The following ACER2 variants were observed in gnomAD, a reference collection of about 807,000 sequenced individuals.
ACER2 encodes alkCDase 2.
In ACER2, 26 loss-of-function variants were observed where a neutral mutation model predicts 34.7. The observed-to-expected ratio is 0.75, with a 90% CI of 0.55 to 1.04. ACER2 has a LOEUF of 1.04. ACER2 is among the 50% of genes least tolerant of loss of function. The pLI is 0.00. For missense variants in ACER2, 352 were observed against 340.8 expected, an observed-to-expected ratio of 1.03 and a Z score of -0.26; for synonymous variants, 138 against 132.1, an observed-to-expected ratio of 1.04 and a Z score of -0.31.
intron 3 of ACER2, among the ~76,000 whole-genome samples, chr9:19,428,004 TC>T (rs1434552458): frequency 3.4e-5 from 3 of 87,146 alleles, no homozygotes; most frequent in East Asian, 3.1e-4. Context: ...CTTTCCTTTT[TC>T]CTTTTTCCTT....
rs376265214 is a variant in ACER2 at position 19,448,671 on chromosome 9, A to G, written c.642-1779A>G. Reference sequence around the variant, plus strand: ...ATTTTTTACCCACACTTTCACATATACTGGAAACTCTTAAATCTCCATTAA... The same window carrying G: ...ATTTTTTACCCACACTTTCACATATGCTGGAAACTCTTAAATCTCCATTAA... On this transcript the variant is annotated intron_variant, in intron 5 of 5. Transcript: ENST00000340967. 5.1e-4 allele frequency among the ~76,000 whole-genome samples: 77 copies of G among 152,272 alleles called. 1 individual carries two copies. In the South Asian group the frequency reaches 0.014, roughly 28 times the overall value.
chr9:19,439,371 C>T (rs1002062275), intron 4 of ACER2, among the ~76,000 whole-genome samples: 11 of 131,230 alleles, frequency 8.4e-5, no homozygotes, highest in Middle Eastern at 4.4e-3. Context: ...GACGTAGTCT[C>T]GCTCTGTCAC....
intron 1 of ACER2, among the ~76,000 whole-genome samples, chr9:19,414,112 C>T (rs1354703620): frequency 6.6e-6 from 1 of 152,168 alleles, no homozygotes; most frequent in Non-Finnish European, 1.5e-5. Flanking sequence ...CAAACTTGTC[C>T]TGGGTTTTTG....
chr9:19,434,726 T>C (rs1029977065), intron 3 of ACER2, among the ~76,000 whole-genome samples: 2 of 151,842 alleles, frequency 1.3e-5, no homozygotes, highest in Non-Finnish European at 2.9e-5. Context: ...GGCAGCAGTA[T>C]AGTCCAGCTT....
At chr9:19,415,136 A>T (rs570017625) in intron 1 of ACER2, among the ~76,000 whole-genome samples, 15 of 152,302 alleles carry the variant, frequency 9.8e-5, no homozygotes, top group African/African-American at 3.6e-4. Context: ...TAATTTCAGT[A>T]TTATTTGAAG....
intron 1 of ACER2, chr9:19,409,914 G>C: frequency 7.1e-6 from 7 of 985,406 alleles, no homozygotes; most frequent in Non-Finnish European, 8.4e-6. Flanking sequence ...ATAAGGGTGA[G>C]CAGAAACTTC....
chr9:19,416,840 A>T (rs1277009561), intron 1 of ACER2, among the ~76,000 whole-genome samples: 1 of 152,082 alleles, frequency 6.6e-6, no homozygotes, highest in Non-Finnish European at 1.5e-5. Flanking sequence ...CGCCTAAGGG[A>T]TGGTTTTTAA....
intron 3 of ACER2, among the ~76,000 whole-genome samples, chr9:19,427,579 A>T (rs535440353): frequency 6.6e-6 from 1 of 152,106 alleles, no homozygotes; most frequent in East Asian, 1.9e-4. Context: ...TGAACTTACC[A>T]AATAGTAAAC....
chr9:19,422,924 C>T (rs1397976649), intron 1 of ACER2, among the ~76,000 whole-genome samples: 2 of 150,546 alleles, frequency 1.3e-5, no homozygotes, highest in African/African-American at 2.5e-5. Flanking sequence ...CCCAACTACT[C>T]GGGAGGCTGA....
intron 1 of ACER2, among the ~76,000 whole-genome samples, chr9:19,414,174 C>A (rs1176219151): frequency 6.6e-6 from 1 of 152,176 alleles, no homozygotes; most frequent in Non-Finnish European, 1.5e-5. Flanking sequence ...TGGGAAGCCC[C>A]CTCAGTCCCA....
At chr9:19,437,827 T>A (rs1382432505) in intron 4 of ACER2, among the ~76,000 whole-genome samples, 1 of 152,238 alleles carries the variant, frequency 6.6e-6, no homozygotes, top group Non-Finnish European at 1.5e-5. Flanking sequence ...CTCAACCAGA[T>A]GTAATTGCCC....
chr9:19,437,264 G>A (rs1026135930), intron 4 of ACER2, among the ~76,000 whole-genome samples: 1 of 152,124 alleles, frequency 6.6e-6, no homozygotes, highest in Non-Finnish European at 1.5e-5. Flanking sequence ...GTTTGCCTAC[G>A]ATTTCCCTCA....
At chr9:19,425,632 C>T (rs777920610) in intron 3 of ACER2, among the ~76,000 whole-genome samples, 3 of 152,074 alleles carry the variant, frequency 2.0e-5, no homozygotes, top group Non-Finnish European at 4.4e-5. Context: ...AAAAGTGAAG[C>T]TGATAAGGGT....
At chr9:19,419,722 C>T (rs370690261) in intron 1 of ACER2, among the ~76,000 whole-genome samples, 1 of 152,122 alleles carries the variant, frequency 6.6e-6, no homozygotes, top group Non-Finnish European at 1.5e-5. Flanking sequence ...GAGATCGTGC[C>T]GTTGCACTCC....
At chr9:19,426,295 T>C (rs1467917294) in intron 3 of ACER2, among the ~76,000 whole-genome samples, 5 of 150,818 alleles carry the variant, frequency 3.3e-5, no homozygotes, top group Admixed American at 3.3e-4. Context: ...TTTCTTTTTC[T>C]GTCTTTCTTT....
In ACER2 at chr9:19,450,819, G is replaced by T; in HGVS notation, c.*183G>T. 3 of 465,490 alleles carry T rather than the reference G, an allele frequency of 6.4e-6. No homozygotes were observed. Among genetic ancestry groups the T allele is most frequent in the Non-Finnish European group, 7.0e-6 (2 of 283,778 alleles). 28.8% of individuals were successfully genotyped at this position (465,490 alleles called of 1,614,324 possible). On this transcript the variant is annotated 3_prime_UTR_variant, in exon 6 of 6. Transcript: ENST00000340967. ...GTAGGGATTTAAACTTTGTCATATG[G>T]TACAAATATTCCCTGCCCCCCTGCA...
At chr9:19,434,333 C>G (rs1179629400) in intron 3 of ACER2, among the ~76,000 whole-genome samples, 2 of 151,500 alleles carry the variant, frequency 1.3e-5, no homozygotes, top group African/African-American at 2.4e-5. Context: ...AGACGATGGC[C>G]GGCCAGGCAG....
intron 3 of ACER2, among the ~76,000 whole-genome samples, chr9:19,427,417 G>C (rs1830602910): frequency 6.6e-6 from 1 of 152,180 alleles, no homozygotes; most frequent in Non-Finnish European, 1.5e-5. Flanking sequence ...CCAGTGACCA[G>C]GGAGGGCAAG....
intron 4 of ACER2, among the ~76,000 whole-genome samples, chr9:19,437,341 C>A (rs965141777): frequency 2.6e-5 from 4 of 152,180 alleles, no homozygotes; most frequent in Admixed American, 2.6e-4. Context: ...TTTCTGACTC[C>A]ATTACACTTG....
Sources: gnomAD v4.1 joint callset for allele counts (sites outside exome capture counted in the v4.1 genomes callset) on GRCh38, gnomAD v4.1.1 for gene constraint, MANE v1.5 for transcripts, NCBI Gene and HGNC (gene_info 2026-07-23, HGNC 2026-07-21) for gene names.